CD2: variants seen among roughly 807,000 people sequenced by gnomAD.
The protein encoded by CD2 is CD2 molecule, also known as T-cell surface antigen CD2.
In CD2, 18 loss-of-function variants were observed where a neutral mutation model predicts 23.2. The ratio of observed to expected loss-of-function variants is 0.77; its 90% CI spans 0.54 to 1.15. The LOEUF is 1.15. CD2 is among the 50% of genes most tolerant of loss of function. The pLI, the probability that CD2 is intolerant of heterozygous loss-of-function variation, is 0.00. For missense variants in CD2, 424 were observed against 423.1 expected (o/e 1.00, Z -0.02); for synonymous variants, 162 against 151.9 (o/e 1.07, Z -0.49).
At chr1:116,766,885 C>T (rs1319210933) in intron 4 of CD2, among the ~76,000 whole-genome samples, 3 of 151,778 alleles carry the variant, frequency 2.0e-5, no homozygotes. Flanking sequence ...AAATAAAAAA[C>T]AAAAATAGTG....
intron 3 of CD2, among the ~76,000 whole-genome samples, 156 bp downstream of exon 3, chr1:116,760,788 A>G (rs193285225): frequency 2.6e-5 from 4 of 152,362 alleles, no homozygotes; most frequent in Admixed American, 2.0e-4. Flanking sequence ...CTTCAAGGGA[A>G]GCATCAGGGG....
rs1652289039 is a variant in CD2, at chr1:116,768,564, C to T, written c.837C>T (p.Ser279=). Residue 279 remains serine, a synonymous_variant, in exon 5 of 5, where the codon TCC becomes TCT. Transcript: ENST00000369478. The part of the protein sequence containing the change: ...PASTPQNPAT[S]QHPPPPPGHR... ...CAACCCCTCAGAATCCAGCAACTTC[C>T]CAACATCCTCCTCCACCACCTGGTC... 6.2e-7 allele frequency: 1 copy of T among 1,614,082 alleles called. No homozygotes were observed. The highest frequency in any genetic ancestry group is 1.6e-4 in the Middle Eastern group (1 of 6,062).
At chr1:116,763,577 G>A (rs1652121452) in intron 3 of CD2, among the ~76,000 whole-genome samples, 3 of 152,162 alleles carry the variant, frequency 2.0e-5, no homozygotes, top group Admixed American at 2.0e-4. Context: ...CCTCACATTT[G>A]TGTTGTTTTA....
chr1:116,759,467 AC>A (rs954127309), intron 2 of CD2, among the ~76,000 whole-genome samples: 8 of 151,902 alleles, frequency 5.3e-5, no homozygotes, highest in African/African-American at 1.9e-4. Context: ...GGAAAAGTTC[AC>A]ACAGCTAGGA....
chr1:116,760,373 A>C (rs1003498571), intron 2 of CD2, 29 bp from the exon 3 acceptor site: 20 of 1,586,890 alleles, frequency 1.3e-5, no homozygotes, highest in Non-Finnish European at 1.7e-5. Context: ...AATTGCCTAA[A>C]TTGAACTGAA....
chr1:116,755,729 G>C (rs1651822684), intron 2 of CD2, among the ~76,000 whole-genome samples: 1 of 152,124 alleles, frequency 6.6e-6, no homozygotes. Context: ...CACTGGCCTA[G>C]ACCAAAGGGT....
chr1:116,762,075 C>T (rs1333959827), intron 3 of CD2, among the ~76,000 whole-genome samples: 1 of 152,182 alleles, frequency 6.6e-6, no homozygotes, highest in Non-Finnish European at 1.5e-5. Context: ...AACTATCCTC[C>T]CACCTCAGCC....
In CD2 at chr1:116,754,866, C is replaced by T. The variant is rs41275574; in HGVS notation, c.297C>T (p.Thr99=). The change falls in exon 2 of 5, where the codon ACC becomes ACT. Residue 99 remains threonine, a synonymous_variant. Transcript: ENST00000369478. ...CTCTGAAAATTAAGCATCTGAAGAC[C>T]GATGATCAGGATATCTACAAGGTAT... ...NGTLKIKHLK[T]DDQDIYKVSI... The T allele has an allele frequency of 2.0e-5, 33 of 1,611,846 alleles. No homozygotes were observed. The highest frequency in any genetic ancestry group is 1.5e-4 in the South Asian group (14 of 90,980).
At chr1:116,756,708 C>A (rs377364119) in intron 2 of CD2, among the ~76,000 whole-genome samples, 9 of 152,184 alleles carry the variant, frequency 5.9e-5, no homozygotes, top group Middle Eastern at 6.8e-3. Flanking sequence ...CAAAAAGAAA[C>A]CCTTCACCCT....
chr1:116,760,328 C>G, intron 2 of CD2, 74 bp from the exon 3 acceptor site: 1 of 1,137,770 alleles, frequency 8.8e-7, no homozygotes, highest in African/African-American at 1.6e-5. Flanking sequence ...CTCCATCCCC[C>G]ACTGTATAAA....
chr1:116,767,454 G>T (rs1652249336), intron 4 of CD2, among the ~76,000 whole-genome samples: 2 of 151,966 alleles, frequency 1.3e-5, no homozygotes, highest in African/African-American at 2.4e-5. Flanking sequence ...AGCCGGGCGT[G>T]GTGGTGAACG....
chr1:116,764,399 G>C (rs1571243122), intron 3 of CD2, 85 bp from the exon 4 acceptor site: 2 of 1,543,224 alleles, frequency 1.3e-6, no homozygotes, highest in East Asian at 2.3e-5. Context: ...CTATCTGCTT[G>C]ATGCAGGAGG....
chr1:116,760,909 G>A (rs1016738068), intron 3 of CD2, among the ~76,000 whole-genome samples: 1 of 152,212 alleles, frequency 6.6e-6, no homozygotes, highest in East Asian at 1.9e-4. Flanking sequence ...AACTGAAGAA[G>A]GAGGAGCTGT....
chr1:116,755,928 A>G (rs1351337822), intron 2 of CD2, among the ~76,000 whole-genome samples: 1 of 152,042 alleles, frequency 6.6e-6, no homozygotes, highest in Non-Finnish European at 1.5e-5. Context: ...GCAGACAGGA[A>G]CCCCAGCATG....
Position 116,754,483 on chromosome 1 carries a change from A to G in CD2, c.-10A>G, listed in dbSNP as rs766064609. On this transcript the variant is annotated 5_prime_UTR_variant, in exon 1 of 5. Coordinates refer to ENST00000369478, the MANE Select transcript of CD2 (RefSeq NM_001767.5). ...GAGCTCAGAATCAAAAGAGGAAACC[A>G]ACCCCTAAGATGAGCTTTCCATGTA... is the stretch of plus-strand genomic sequence containing the variant. The G allele has an allele frequency of 1.6e-5, 26 of 1,612,602 alleles. No individual in the cohort carries two copies. The highest frequency in any genetic ancestry group is 1.6e-4 in the Middle Eastern group (1 of 6,076).
chr1:116,758,080 T>C (rs1054177856), intron 2 of CD2, among the ~76,000 whole-genome samples: 3 of 151,352 alleles, frequency 2.0e-5, no homozygotes, highest in Admixed American at 2.0e-4. Flanking sequence ...AATATTATAT[T>C]ATTTATATAT....
intron 3 of CD2, among the ~76,000 whole-genome samples, chr1:116,764,205 C>A (rs144700521): frequency 4.5e-4 from 68 of 152,190 alleles, no homozygotes; most frequent in Non-Finnish European, 8.2e-4. Context: ...CTTTCCATGA[C>A]GGGGGCAGTG....
At chr1:116,757,147 C>G (rs560236712) in intron 2 of CD2, among the ~76,000 whole-genome samples, 1 of 152,072 alleles carries the variant, frequency 6.6e-6, no homozygotes, top group African/African-American at 2.4e-5. Flanking sequence ...CAGGCATGTA[C>G]CACCACGTCC....
chr1:116,764,462 C>T (rs1243168430), intron 3 of CD2, 22 bp from the exon 4 acceptor site: 1 of 1,612,362 alleles, frequency 6.2e-7, no homozygotes, highest in South Asian at 1.1e-5. Flanking sequence ...TCCCAGCCAT[C>T]CCACTTCTCT....
Sources: allele counts gnomAD v4.1 joint callset (sites outside exome capture counted in the v4.1 genomes callset), GRCh38; gene constraint gnomAD v4.1.1; transcripts MANE v1.5; gene names NCBI Gene and HGNC (gene_info 2026-07-23, HGNC 2026-07-21).